ATG4C: variants seen among roughly 807,000 people sequenced by gnomAD.
The protein encoded by ATG4C is cysteine protease ATG4C.
In ATG4C, 56 loss-of-function variants were observed where a neutral mutation model predicts 57.6. The observed-to-expected ratio is 0.97, with a 90% CI of 0.78 to 1.21. The LOEUF (loss-of-function observed/expected upper bound fraction) is 1.21. Among genes scored for constraint, ATG4C ranks in the 50% most tolerant of loss-of-function variants. The pLI is 0.00. For synonymous variants in ATG4C, 157 were observed against 174.1 expected, an observed-to-expected ratio of 0.90 and a Z score of 0.78; for missense variants, 595 against 529.8, an observed-to-expected ratio of 1.12 and a Z score of -1.21.
chr1:62,837,732 A>G (rs1666039760), intron 9 of ATG4C, among the ~76,000 whole-genome samples: 1 of 152,176 alleles, frequency 6.6e-6, no homozygotes, highest in Non-Finnish European at 1.5e-5. Context: ...CTTCAGTGAA[A>G]GATAATACCC....
chr1:62,817,848 A>G (rs1030040057), intron 4 of ATG4C, among the ~76,000 whole-genome samples: 9 of 152,168 alleles, frequency 5.9e-5, no homozygotes, highest in African/African-American at 2.2e-4. Flanking sequence ...GATTTTTATA[A>G]GTGTTAAGAC....
chr1:62,857,799 C>G (rs1405361100), intron 10 of ATG4C, among the ~76,000 whole-genome samples: 1 of 152,178 alleles, frequency 6.6e-6, no homozygotes, highest in Non-Finnish European at 1.5e-5. Context: ...ATACTCATCC[C>G]TCTTTCTTTT....
chr1:62,831,448 T>C lies in ATG4C; in HGVS notation c.933+2272T>C, dbSNP rs116062980. ...TATTTTTCAAATTTATTAAACAAGG[T>C]ATTTCAGAGATAGTGCCAACATAGC... On this transcript the variant is annotated intron_variant, in intron 7 of 10. Coordinates refer to ENST00000317868, the MANE Select transcript of ATG4C (RefSeq NM_032852.4). 2.8e-3 allele frequency among the ~76,000 whole-genome samples: 423 copies of C among 152,294 alleles called. 3 individuals carry two copies. The highest frequency in any genetic ancestry group is 9.4e-3 in the African/African-American group (389 of 41,576).
chr1:62,811,427 G>A (rs995992920), intron 3 of ATG4C, among the ~76,000 whole-genome samples: 9 of 152,116 alleles, frequency 5.9e-5, no homozygotes, highest in African/African-American at 1.9e-4. Flanking sequence ...CTGTTATGTC[G>A]AGGTATATAG....
intron 9 of ATG4C, among the ~76,000 whole-genome samples, chr1:62,837,208 A>C (rs376983728): frequency 2.6e-5 from 4 of 152,286 alleles, no homozygotes; most frequent in Admixed American, 2.0e-4. Context: ...TTGAATTTCT[A>C]TACTAACTTT....
Position 62,795,328 on chromosome 1 carries a change from A to G in ATG4C, c.-68-8391A>G, listed in dbSNP as rs568977410. 7.9e-5 allele frequency among the ~76,000 whole-genome samples: 12 copies of G among 152,286 alleles called. No individual in the cohort carries two copies. The South Asian group carries it at 2.5e-3, about 32-fold the overall frequency. ...AGTTTACAGTTTTTTGACTATCTTA[A>G]TGCATGGTTATTGGTTAGAAAAGTG... On this transcript the variant is annotated intron_variant, in intron 1 of 10. Coordinates refer to ENST00000317868, the MANE Select transcript of ATG4C (RefSeq NM_032852.4).
At chr1:62,824,534 A>G (rs1665583816) in intron 6 of ATG4C, among the ~76,000 whole-genome samples, 1 of 152,200 alleles carries the variant, frequency 6.6e-6, no homozygotes, top group Non-Finnish European at 1.5e-5. Flanking sequence ...GAATAAAACT[A>G]CTTTAATTTG....
intron 6 of ATG4C, among the ~76,000 whole-genome samples, chr1:62,824,669 C>CTTT (rs397862637): frequency 1.2e-4 from 16 of 135,458 alleles, no homozygotes; most frequent in South Asian, 7.1e-4. Context: ...CTCTCTCTCT[C>CTTT]TTTTTTTTTT....
At chr1:62,824,381 G>T (rs11208042) in intron 6 of ATG4C, among the ~76,000 whole-genome samples, 36,674 of 151,936 alleles carry the variant, frequency 0.24, 6,010 homozygotes, top group African/African-American at 0.47. Context: ...TAGGTGATGA[G>T]AAGAATTTGA....
Position 62,819,169 on chromosome 1 carries a change from G to A in ATG4C, c.559G>A (p.Asp187Asn), listed in dbSNP as rs1186795335. The A allele has an allele frequency of 1.2e-6, 2 of 1,613,454 alleles. No homozygotes were observed. Among genetic ancestry groups the A allele is most frequent in the African/African-American group, 2.7e-5 (2 of 75,000 alleles). Residue 187 changes from aspartate (D) to asparagine (N), a missense_variant, in exon 5 of 11, where the codon GAT (aspartate) becomes AAT (asparagine). Asp to Asn is a conservative substitution (Grantham distance 23). Transcript: ENST00000317868. ...GAAGGAAACAATTGGGAAATATTCT[G>A]ATGATCATGAAATGCGAAATGAAGT... ...SLKETIGKYSDDHEMRNEVYH... is the reference protein window; with the variant it reads ...SLKETIGKYSNDHEMRNEVYH...
chr1:62,823,896 A>T (rs1020614975), intron 6 of ATG4C, among the ~76,000 whole-genome samples: 1 of 152,154 alleles, frequency 6.6e-6, no homozygotes, highest in African/African-American at 2.4e-5. Context: ...AGTCTTTCCC[A>T]ACTCTCGTTA....
At chr1:62,848,658 C>T (rs1182453414) in intron 10 of ATG4C, among the ~76,000 whole-genome samples, 1 of 152,088 alleles carries the variant, frequency 6.6e-6, no homozygotes. Context: ...GTTGAGTGTG[C>T]ACTTCTTGCT....
At position 62,859,433 on chromosome 1, in the gene ATG4C, A is replaced by G. The variant is rs532270494; in HGVS notation, c.1210-4559A>G. Among the ~76,000 whole-genome samples, 3 of 152,306 alleles carry G rather than the reference A, an allele frequency of 2.0e-5. No individual in the cohort carries two copies. The South Asian group carries it at 6.2e-4, about 32-fold the overall frequency. On this transcript the variant is annotated intron_variant, in intron 10 of 10. Transcript: ENST00000317868. ...CAATGGTAAGTATTTGTGTATCTAAATGTATCTAAACATAGAAAAGATATT... is the reference window on the plus strand; with the variant it reads ...CAATGGTAAGTATTTGTGTATCTAAGTGTATCTAAACATAGAAAAGATATT...
intron 1 of ATG4C, among the ~76,000 whole-genome samples, chr1:62,791,515 T>G (rs1255755139): frequency 6.6e-6 from 1 of 152,162 alleles, no homozygotes; most frequent in Non-Finnish European, 1.5e-5. Context: ...AGTCCAAGGT[T>G]GAGGAGCTAC....
chr1:62,854,337 G>A (rs1166930516), intron 10 of ATG4C, among the ~76,000 whole-genome samples: 2 of 148,500 alleles, frequency 1.3e-5, no homozygotes, highest in African/African-American at 5.0e-5. Context: ...GGAGTGCAGT[G>A]GCGCGATCTT....
At chr1:62,805,350 T>C (rs908941645) in intron 3 of ATG4C, 95 bp downstream of exon 3, 76 of 1,339,576 alleles carry the variant, frequency 5.7e-5, no homozygotes, top group East Asian at 4.6e-4. Flanking sequence ...ACTTTTGCAG[T>C]ATTTCTTTTA....
intron 10 of ATG4C, among the ~76,000 whole-genome samples, chr1:62,852,746 A>G (rs1458177068): frequency 1.8e-5 from 2 of 109,402 alleles, no homozygotes; most frequent in Non-Finnish European, 3.7e-5. Flanking sequence ...TTCTGTTTTT[A>G]CCTATTTTTT....
At chr1:62,824,377 A>G (rs1466005759) in intron 6 of ATG4C, among the ~76,000 whole-genome samples, 1 of 152,114 alleles carries the variant, frequency 6.6e-6, no homozygotes. Flanking sequence ...GAGTTAGGTG[A>G]TGAGAAGAAT....
chr1:62,860,226 A>G (rs1666809686), intron 10 of ATG4C, among the ~76,000 whole-genome samples: 2 of 152,306 alleles, frequency 1.3e-5, no homozygotes, highest in South Asian at 2.1e-4. Flanking sequence ...CTCCTATGAT[A>G]ACAGTGCCTT....
Sources: allele counts gnomAD v4.1 joint callset (sites outside exome capture counted in the v4.1 genomes callset), GRCh38; gene constraint gnomAD v4.1.1; transcripts MANE v1.5; gene names NCBI Gene and HGNC (gene_info 2026-07-23, HGNC 2026-07-21).